Variants in PPP2R3A observed in about 807,000 individuals in gnomAD.
PPP2R3A encodes serine/threonine-protein phosphatase 2A regulatory subunit B'' subunit alpha.
A neutral mutation model predicts 106.9 loss-of-function variants in PPP2R3A; 80 were observed. That is an observed-to-expected ratio of 0.75 (90% CI 0.62 to 0.90). The LOEUF (loss-of-function observed/expected upper bound fraction) is 0.90, where lower values mean the gene tolerates loss of function less well. Among genes scored for constraint, PPP2R3A ranks in the 40% least tolerant of loss-of-function variants. The probability of loss-of-function intolerance (pLI) is 0.00; values close to 1 mark genes in which losing one functional copy is unlikely to be tolerated. For synonymous variants in PPP2R3A, 483 were observed against 468.3 expected (o/e 1.03, Z -0.41); for missense variants, 1,386 against 1,350.4 (o/e 1.03, Z -0.41).
Position 136,102,034 on chromosome 3 carries a change from T to A in PPP2R3A, c.2955T>A (p.Asp985Glu). 1.2e-6 allele frequency: 2 copies of A among 1,614,016 alleles called. No individual in the cohort carries two copies. Among genetic ancestry groups the A allele is most frequent in the Non-Finnish European group, 1.7e-6 (2 of 1,179,932 alleles). Reference protein sequence around the residue: ...TSIEYWFRCMDVDGDGVLSMY... With the variant: ...TSIEYWFRCMEVDGDGVLSMY... ...TTGAGTATTGGTTCCGCTGCATGGA[T>A]GTGGATGGAGACGGTGTACTCTCCA... The change falls in exon 11 of 14, where the codon GAT becomes GAA. Residue 985 changes from aspartate (D) to glutamate (E), a missense_variant. By Grantham distance (45) the Asp-to-Glu change is conservative. Transcript: ENST00000264977.
At chr3:136,013,702 G>C (rs1481453789) in intron 2 of PPP2R3A, among the ~76,000 whole-genome samples, 1 of 152,012 alleles carries the variant, frequency 6.6e-6, no homozygotes, top group African/African-American at 2.4e-5. Flanking sequence ...TGATGGGATT[G>C]TTTGGTTTTT....
intron 5 of PPP2R3A, among the ~76,000 whole-genome samples, chr3:136,059,728 C>G (rs1318272226): frequency 2.0e-5 from 3 of 152,096 alleles, no homozygotes; most frequent in Non-Finnish European, 1.5e-5. Flanking sequence ...TGGAATCAAC[C>G]TAAATGCCCA....
intron 3 of PPP2R3A, 39 bp downstream of exon 3, chr3:136,027,137 TTAGAAACCCTGATCCCCTCCCCTTCTC>T: frequency 1.3e-6 from 2 of 1,549,094 alleles, no homozygotes; most frequent in Non-Finnish European, 1.8e-6. Flanking sequence ...CTCCCCTTCT[TTAGAAACCCTGATCCCCTCCCCTTCTC>T]TAGAAACCCG....
At chr3:136,062,574 C>T (rs1936112286) in intron 5 of PPP2R3A, among the ~76,000 whole-genome samples, 1 of 151,940 alleles carries the variant, frequency 6.6e-6, no homozygotes, top group African/African-American at 2.4e-5. Context: ...AAAAATTAGC[C>T]AGGCGTGGTG....
intron 5 of PPP2R3A, among the ~76,000 whole-genome samples, chr3:136,065,568 TA>T (rs1936239876): frequency 6.6e-6 from 1 of 152,014 alleles, no homozygotes; most frequent in Non-Finnish European, 1.5e-5. Flanking sequence ...AGGCAGAGAA[TA>T]AAAAACCAAT....
chr3:136,001,581 T>C lies in PPP2R3A; in HGVS notation c.83T>C (p.Ile28Thr). 1.2e-6 allele frequency: 2 copies of C among 1,614,180 alleles called. No homozygotes were observed. Among genetic ancestry groups the C allele is most frequent in the Non-Finnish European group, 1.7e-6 (2 of 1,180,014 alleles). Residue 28 changes from isoleucine to threonine, a missense_variant, in exon 2 of 14, where the codon ATA (isoleucine) becomes ACA (threonine). Ile to Thr is a moderately conservative substitution (Grantham distance 89). Coordinates refer to ENST00000264977, the MANE Select transcript of PPP2R3A (RefSeq NM_002718.5). ...ATAGACCGGCGTTTTGAACAAGCTA[T>C]ACATTATTGCACTGGAACCTGCCAC... The part of the protein sequence containing the change: ...VVIDRRFEQA[I>T]HYCTGTCHTF...
At chr3:136,063,525 TGACA>T (rs1936152756) in intron 5 of PPP2R3A, among the ~76,000 whole-genome samples, 1 of 152,244 alleles carries the variant, frequency 6.6e-6, no homozygotes, top group Non-Finnish European at 1.5e-5. Context: ...CCTACTCATC[TGACA>T]AAGGGCTAAT....
chr3:136,065,098 G>C lies in PPP2R3A; in HGVS notation c.2470-5380G>C, dbSNP rs147229422. 1.3e-3 allele frequency among the ~76,000 whole-genome samples: 195 copies of C among 152,116 alleles called. 2 individuals carry two copies. The highest frequency in any genetic ancestry group is 6.8e-3 in the Middle Eastern group (2 of 294). ...GAACTATGATGAATGAAAATTAGAT[G>C]GATAAATACAAGTTTTGCAGCTTAC... On this transcript the variant is annotated intron_variant, in intron 5 of 13. Transcript: ENST00000264977.
intron 2 of PPP2R3A, among the ~76,000 whole-genome samples, chr3:136,013,043 G>A (rs986455433): frequency 1.2e-4 from 18 of 152,092 alleles, no homozygotes; most frequent in South Asian, 2.1e-4. Flanking sequence ...GAGAACATAC[G>A]AGTTTGGCTT....
intron 10 of PPP2R3A, among the ~76,000 whole-genome samples, chr3:136,091,937 C>A (rs897797975): frequency 6.6e-6 from 1 of 152,108 alleles, no homozygotes; most frequent in Non-Finnish European, 1.5e-5. Flanking sequence ...CTGTTTGTTA[C>A]ACTTACCAGT....
At chr3:136,087,812 T>C (rs1451032021) in intron 8 of PPP2R3A, 71 bp from the exon 9 acceptor site, 1 of 1,262,238 alleles carries the variant, frequency 7.9e-7, no homozygotes, top group East Asian at 2.4e-5. Flanking sequence ...AAAAGCAAAT[T>C]TGTGAAAAGT....
At chr3:136,144,891 C>T (rs1576345971) in intron 13 of PPP2R3A, 152 bp from the exon 14 acceptor site, 2 of 677,358 alleles carry the variant, frequency 3.0e-6, no homozygotes, top group Non-Finnish European at 4.9e-6. Context: ...TAGAGTGTTG[C>T]CTCCTTCACG....
At chr3:136,144,939 A>G (rs1939050144) in intron 13 of PPP2R3A, 104 bp from the exon 14 acceptor site, 2 of 1,317,810 alleles carry the variant, frequency 1.5e-6, no homozygotes, top group East Asian at 2.5e-5. Context: ...TAGCAATTCA[A>G]GGTACCTTTG....
At position 136,049,120 on chromosome 3, in the gene PPP2R3A, A is replaced by G. The variant is rs558449878; in HGVS notation, c.2367-139A>G. The G allele has an allele frequency of 5.1e-5, 33 of 643,546 alleles. No homozygotes were observed. In the African/African-American group the frequency reaches 5.7e-4, roughly 11 times the overall value. The allele number at this position is 643,546 out of a possible 1,614,324, so 39.9% of individuals were successfully genotyped here. A position where few individuals can be genotyped will look rare whatever the true frequency, so the allele number is the denominator to read the frequency against. ...TATAGACAGCTCATCATTCTAAAAC[A>G]TCCTTTGATTATGTAAATTCCTTAC... is the stretch of plus-strand genomic sequence containing the variant. On this transcript the variant is annotated intron_variant, in intron 4 of 13. Coordinates refer to ENST00000264977, the MANE Select transcript of PPP2R3A (RefSeq NM_002718.5).
At chr3:136,031,249 T>A (rs963674042) in intron 3 of PPP2R3A, among the ~76,000 whole-genome samples, 9 of 152,222 alleles carry the variant, frequency 5.9e-5, no homozygotes, top group African/African-American at 1.9e-4. Flanking sequence ...TGATTTGCAT[T>A]TCCCTGATCA....
intron 3 of PPP2R3A, among the ~76,000 whole-genome samples, chr3:136,039,625 G>A (rs528173772): frequency 2.0e-4 from 30 of 152,302 alleles, no homozygotes; most frequent in Middle Eastern, 3.4e-3. Flanking sequence ...TGATCTGACA[G>A]GAGGTGGAGC....
intron 1 of PPP2R3A, among the ~76,000 whole-genome samples, chr3:135,994,129 C>T (rs1157612628): frequency 6.6e-6 from 1 of 152,168 alleles, no homozygotes; most frequent in African/African-American, 2.4e-5. Context: ...TGAAGGGAAG[C>T]TCTGTGTTTG....
Position 136,092,583 on chromosome 3 carries a change from A to G in PPP2R3A, c.2927+1916A>G, listed in dbSNP as rs149623765. Among the ~76,000 whole-genome samples the G allele has an allele frequency of 7.5e-3, 1,145 of 152,338 alleles. 18 individuals carry two copies. The highest frequency in any genetic ancestry group is 0.026 in the African/African-American group (1,081 of 41,572). On this transcript the variant is annotated intron_variant, in intron 10 of 13. Transcript: ENST00000264977. ...AAAACAATGCTGAAAAAGTACAGAA[A>G]AAATGTAGGACTCATATTTCCCTAT...
intron 2 of PPP2R3A, among the ~76,000 whole-genome samples, chr3:136,014,330 A>G (rs1576435142): frequency 6.6e-6 from 1 of 151,966 alleles, no homozygotes; most frequent in East Asian, 1.9e-4. Context: ...AAATTTCAGG[A>G]TTGTTTTTTC....
Sources: allele counts gnomAD v4.1 joint callset (sites outside exome capture counted in the v4.1 genomes callset), GRCh38; gene constraint gnomAD v4.1.1; transcripts MANE v1.5; gene names NCBI Gene and HGNC (gene_info 2026-07-23, HGNC 2026-07-21).